The following NDEL1 variants were observed in gnomAD, a reference collection of about 807,000 sequenced individuals.
NDEL1 encodes nudE neurodevelopment protein 1 like 1, also known as nuclear distribution protein nudE-like 1.
A neutral mutation model predicts 45.7 loss-of-function variants in NDEL1; 9 were observed. The ratio of observed to expected loss-of-function variants is 0.20; its 90% CI spans 0.12 to 0.34. NDEL1 has a LOEUF of 0.34. Among genes scored for constraint, NDEL1 ranks in the 10% least tolerant of loss-of-function variants. The pLI, the probability that NDEL1 is intolerant of heterozygous loss-of-function variation, is 1.00. For synonymous variants in NDEL1, 133 were observed against 158.6 expected (o/e 0.84, Z 1.21); for missense variants, 306 against 406.2 (o/e 0.75, Z 2.12).
At chr17:8,447,148 T>G (rs1435415801) in intron 4 of NDEL1, among the ~76,000 whole-genome samples, 1 of 152,182 alleles carries the variant, frequency 6.6e-6, no homozygotes, top group Non-Finnish European at 1.5e-5. Flanking sequence ...CTATTGGTTT[T>G]GTTTTGTTTT....
intron 2 of NDEL1, 35 bp downstream of exon 2, chr17:8,444,392 G>T: frequency 7.1e-7 from 1 of 1,416,830 alleles, no homozygotes. Context: ...GTAGGGGAGG[G>T]CATTTGGAAT....
intron 1 of NDEL1, among the ~76,000 whole-genome samples, chr17:8,423,670 CAA>C (rs891998840): frequency 6.6e-6 from 1 of 152,054 alleles, no homozygotes; most frequent in Non-Finnish European, 1.5e-5. Flanking sequence ...GGTGACAGAG[CAA>C]GACTCTGTCT....
intron 6 of NDEL1, 134 bp downstream of exon 6, chr17:8,451,087 T>A: frequency 1.5e-6 from 1 of 687,388 alleles, no homozygotes; most frequent in Non-Finnish European, 2.2e-6. Context: ...CTATGTGAAA[T>A]AGAAGAAGGA....
chr17:8,415,458 A>AG (rs1908526061), intron 1 of NDEL1, among the ~76,000 whole-genome samples: 1 of 85,696 alleles, frequency 1.2e-5, no homozygotes, highest in Admixed American at 1.1e-4. Context: ...ATTTAGAGAT[A>AG]GGGTCTCACT....
chr17:8,454,663 C>A (rs1910719155), intron 6 of NDEL1, 133 bp from the exon 7 acceptor site: 2 of 676,888 alleles, frequency 3.0e-6, no homozygotes, highest in Non-Finnish European at 5.2e-6. Context: ...TTTATGGTAT[C>A]TATACTTTAT....
intron 1 of NDEL1, among the ~76,000 whole-genome samples, chr17:8,428,861 G>A (rs1419507455): frequency 1.3e-5 from 2 of 151,106 alleles, no homozygotes; most frequent in African/African-American, 4.9e-5. Context: ...TTTTAGTAGA[G>A]ACGGGGTTTC....
At chr17:8,441,451 A>T (rs192005538) in intron 1 of NDEL1, among the ~76,000 whole-genome samples, 1 of 152,356 alleles carries the variant, frequency 6.6e-6, no homozygotes, top group African/African-American at 2.4e-5. Context: ...CAGGAAGTTC[A>T]TCGATGGCTA....
At chr17:8,413,168 T>G (rs564898760) in exon 1 of NDEL1, 108 of 152,458 alleles carry the variant, frequency 7.1e-4, no homozygotes, top group African/African-American at 2.4e-3. Context: ...GGACGGTGAT[T>G]CTCACTCTTC....
chr17:8,472,002 G>C (rs529758141), downstream of NDEL1, among the ~76,000 whole-genome samples: 3 of 152,290 alleles, frequency 2.0e-5, no homozygotes, highest in South Asian at 6.2e-4. Flanking sequence ...GGAACTCAAG[G>C]GAGAGGAGTC....
chr17:8,463,098 A>G, intron 8 of NDEL1: 1 of 407,200 alleles, frequency 2.5e-6, no homozygotes, highest in Non-Finnish European at 4.5e-6. Context: ...ACCATCTGAA[A>G]GGACACACAT....
Position 8,421,871 on chromosome 17 carries a change from C to G in NDEL1, c.-13+8602C>G, listed in dbSNP as rs184105179. 4.0e-3 allele frequency among the ~76,000 whole-genome samples: 615 copies of G among 152,340 alleles called. 1 individual carries two copies. The highest frequency in any genetic ancestry group is 7.2e-3 in the Non-Finnish European group (491 of 68,044). On this transcript the variant is annotated intron_variant, in intron 1 of 4. Coordinates refer to the NDEL1 transcript ENST00000582812. The stretch of plus-strand genomic sequence containing the variant: ...ACTGGCCAAGGAGAGGAAGGGCTCT[C>G]TGCTCCACCGGGATGGTGCTTGGCT...
At chr17:8,471,575 C>T (rs893549263), downstream of NDEL1, among the ~76,000 whole-genome samples, 11 of 152,200 alleles carry the variant, frequency 7.2e-5, no homozygotes, top group Non-Finnish European at 1.0e-4. Flanking sequence ...TTTGTGACAT[C>T]CAGTCAGCCG....
chr17:8,424,525 G>A (rs958445395), intron 1 of NDEL1, among the ~76,000 whole-genome samples: 1 of 152,114 alleles, frequency 6.6e-6, no homozygotes, highest in African/African-American at 2.4e-5. Context: ...GTTTTGAGAC[G>A]GAGTCTTGTT....
intron 5 of NDEL1, 133 bp from the exon 6 acceptor site, chr17:8,450,641 GTTATAC>G: frequency 3.9e-6 from 3 of 761,966 alleles, no homozygotes; most frequent in South Asian, 2.1e-5. Context: ...AGAAATGAAA[GTTATAC>G]TTAAATAGGA....
intron 1 of NDEL1, among the ~76,000 whole-genome samples, chr17:8,427,622 C>T (rs1247695618): frequency 2.0e-5 from 3 of 152,174 alleles, no homozygotes; most frequent in East Asian, 3.9e-4. Context: ...GCAGGAGAAT[C>T]GCTTGAACCT....
At chr17:8,466,666 A>G in intron 8 of NDEL1, 2 of 462,240 alleles carry the variant, frequency 4.3e-6, no homozygotes, top group Admixed American at 4.0e-5. Context: ...TTATGGGGAA[A>G]GAATCAGGAC....
chr17:8,415,183 T>C (rs1022206575), intron 1 of NDEL1, among the ~76,000 whole-genome samples: 1 of 148,108 alleles, frequency 6.8e-6, no homozygotes, highest in African/African-American at 2.5e-5. Flanking sequence ...TCTTTCTCTC[T>C]TTCTTTCTTT....
intron 1 of NDEL1, among the ~76,000 whole-genome samples, chr17:8,443,011 C>T (rs1168804084): frequency 6.6e-5 from 10 of 151,524 alleles, no homozygotes; most frequent in East Asian, 2.0e-4. Context: ...AATCTCCTGA[C>T]CTCGTGATCC....
intron 7 of NDEL1, among the ~76,000 whole-genome samples, chr17:8,458,131 G>A (rs752379229): frequency 2.0e-5 from 3 of 151,172 alleles, no homozygotes; most frequent in Non-Finnish European, 2.9e-5. Flanking sequence ...TGTGGATGCC[G>A]TTCTGTCCTA....
Sources: gnomAD v4.1 joint callset for allele counts (sites outside exome capture counted in the v4.1 genomes callset) on GRCh38, gnomAD v4.1.1 for gene constraint, MANE v1.5 for transcripts, NCBI Gene and HGNC (gene_info 2026-07-23, HGNC 2026-07-21) for gene names.